PDE1B: variants seen among roughly 807,000 people sequenced by gnomAD.
PDE1B encodes the protein dual specificity calcium/calmodulin-dependent 3',5'-cyclic nucleotide phosphodiesterase 1B.
A neutral mutation model predicts 66.7 loss-of-function variants in PDE1B; 13 were observed. The ratio of observed to expected loss-of-function variants is 0.19; its 90% CI spans 0.13 to 0.31. The LOEUF (loss-of-function observed/expected upper bound fraction) is 0.31. Ranked by LOEUF, PDE1B falls within the 10% of genes least tolerant of loss-of-function variation. PDE1B has a pLI of 1.00. For missense variants in PDE1B, 485 were observed against 682.3 expected (o/e 0.71, Z 3.22); for synonymous variants, 230 against 253.9 (o/e 0.91, Z 0.90).
Position 54,570,360 on chromosome 12 carries a change from T to A in PDE1B, c.594+3T>A. 6.4e-7 allele frequency: 1 copy of A among 1,556,828 alleles called. No individual in the cohort carries two copies. Among genetic ancestry groups the A allele is most frequent in the Non-Finnish European group, 8.9e-7 (1 of 1,127,644 alleles). ...ATAACCTCATCAGCCGCTTCAAGGT[T>A]GGGCAGCATCCTACCTCTACCTCCA... On this transcript the variant is annotated splice_donor_region_variant and intron_variant, in intron 6 of 15. Transcript: ENST00000243052.
Position 54,575,702 on chromosome 12 carries a change from T to C in PDE1B, c.1267+70T>C, listed in dbSNP as rs1031286687. The C allele has an allele frequency of 1.1e-5, 12 of 1,098,810 alleles. No homozygotes were observed. The Admixed American group carries it at 2.0e-4, about 19-fold the overall frequency. 68.1% of individuals were successfully genotyped at this position (1,098,810 alleles called of 1,614,324 possible). ...AAGATGCTGCCTGGGTCAGGATTGC[T>C]CCAAGTCCTCAATCCCCCCAAACCA... On this transcript the variant is annotated intron_variant, in intron 12 of 15. Coordinates refer to ENST00000243052, the MANE Select transcript of PDE1B (RefSeq NM_000924.4). This position sits in a 1 kb window ranked among gnomAD's most constrained non-coding sequence, Gnocchi z 4.0.
chr12:54,554,555 G>A (rs1957320332), intron 2 of PDE1B, among the ~76,000 whole-genome samples: 1 of 152,172 alleles, frequency 6.6e-6, no homozygotes, highest in Non-Finnish European at 1.5e-5. Flanking sequence ...GTATCTCTGG[G>A]AAGGTAGAGG....
At position 54,549,887 on chromosome 12, in the gene PDE1B, C is replaced by A. The variant is rs756175845; in HGVS notation, c.15C>A (p.Pro5=). 8 of 1,613,822 alleles carry A rather than the reference C, an allele frequency of 5.0e-6. No homozygotes were observed. In the South Asian group the frequency reaches 8.8e-5, roughly 18 times the overall value. MELS[P]RSPPEMLEES... ...CGTGGCTGAGCATGGAGCTGTCCCC[C>A]CGCAGTCCTCCGGAGATGCTGGAGG... Residue 5 remains proline (P), a synonymous_variant, in exon 2 of 16, where the codon CCC becomes CCA. Transcript: ENST00000243052.
Position 54,577,361 on chromosome 12 carries a change from T to C in PDE1B, c.*17+16T>C. On this transcript the variant is annotated intron_variant, in intron 15 of 15. Transcript: ENST00000243052. Reference sequence around the variant, plus strand: ...GCTGGCCCAGGTGAGCCTGTTGTGGTGGAGGGTGTAGGAGAGCTGGTGTCT... The same window carrying C: ...GCTGGCCCAGGTGAGCCTGTTGTGGCGGAGGGTGTAGGAGAGCTGGTGTCT... 1 of 1,613,142 alleles carries C rather than the reference T, an allele frequency of 6.2e-7. No homozygotes were observed. Among genetic ancestry groups the C allele is most frequent in the Non-Finnish European group, 8.5e-7 (1 of 1,179,634 alleles).
chr12:54,572,681 G>T lies in PDE1B; in HGVS notation c.675G>T (p.Gln225His), dbSNP rs1348621246. The change falls in exon 7 of 16, where the codon CAG (glutamine) becomes CAT (histidine). Residue 225 changes from glutamine (Q) to histidine (H), a missense_variant. By Grantham distance (24) the Gln-to-His change is conservative. Coordinates refer to ENST00000243052, the MANE Select transcript of PDE1B (RefSeq NM_000924.4). ...AGTACAAGAATCCTTACCACAACCA[G>T]ATCCACGCAGCCGATGTTACCCAGA... ...YGKYKNPYHN[Q>H]IHAADVTQTV... is the part of the protein sequence containing the mutation. 8.7e-6 allele frequency: 14 copies of T among 1,614,020 alleles called. No homozygotes were observed. Among genetic ancestry groups the T allele is most frequent in the Non-Finnish European group, 1.1e-5 (13 of 1,179,978 alleles).
chr12:54,552,449 C>A (rs1270542151), intron 2 of PDE1B, among the ~76,000 whole-genome samples: 1 of 152,172 alleles, frequency 6.6e-6, no homozygotes, highest in African/African-American at 2.4e-5. Context: ...TATCTAGATT[C>A]TTCTACTCAA....
chr12:54,576,455 A>T (rs2121170174), intron 13 of PDE1B, 116 bp from the exon 14 acceptor site: 1 of 1,228,134 alleles, frequency 8.1e-7, no homozygotes, highest in Non-Finnish European at 1.2e-6. Context: ...GAAAAGAGGA[A>T]GATGAAGTTC....
chr12:54,550,000 C>T lies in PDE1B; in HGVS notation c.113+15C>T, dbSNP rs563103330. On this transcript the variant is annotated intron_variant, in intron 2 of 15. Coordinates refer to ENST00000243052, the MANE Select transcript of PDE1B (RefSeq NM_000924.4). The stretch of plus-strand genomic sequence containing the variant: ...CTTCGGTCTCTGTAAGTCCCCGGCC[C>T]GGGAATGGGGGGAAGGGACCTTAGG... The T allele has an allele frequency of 2.0e-5, 33 of 1,611,220 alleles. No individual in the cohort carries two copies. In the South Asian group the frequency reaches 3.5e-4, roughly 17 times the overall value.
chr12:54,562,889 A>G (rs1484198701), intron 2 of PDE1B, among the ~76,000 whole-genome samples: 1 of 152,038 alleles, frequency 6.6e-6, no homozygotes, highest in African/African-American at 2.4e-5. Flanking sequence ...TTTGGTTCAG[A>G]TTTCAACAGA....
chr12:54,558,901 G>C (rs1488977480), intron 2 of PDE1B, among the ~76,000 whole-genome samples: 1 of 152,160 alleles, frequency 6.6e-6, no homozygotes, highest in African/African-American at 2.4e-5. Context: ...GGTTCCCAAG[G>C]TGTTCTCATA....
chr12:54,560,210 T>C (rs978029673), intron 2 of PDE1B, among the ~76,000 whole-genome samples: 2 of 152,222 alleles, frequency 1.3e-5, no homozygotes, highest in African/African-American at 4.8e-5. Context: ...TCAGTGGAAC[T>C]GAGAAACAGC....
Position 54,575,442 on chromosome 12 carries a change from C to A in PDE1B, c.1186-109C>A. The A allele has an allele frequency of 1.2e-6, 1 of 832,108 alleles. No individual in the cohort carries two copies. Among genetic ancestry groups the A allele is most frequent in the Non-Finnish European group, 2.1e-6 (1 of 479,514 alleles). 51.5% of individuals were successfully genotyped at this position (832,108 alleles called of 1,614,324 possible). On this transcript the variant is annotated intron_variant, in intron 11 of 15. Coordinates refer to ENST00000243052, the MANE Select transcript of PDE1B (RefSeq NM_000924.4). This position sits in a 1 kb window ranked among gnomAD's most constrained non-coding sequence, Gnocchi z 4.0. ...ATTACTAATTTCCAGGTCAACAGTGCAGAAATTTCACACAACAACCCCCCA... is the reference window on the plus strand; with the variant it reads ...ATTACTAATTTCCAGGTCAACAGTGAAGAAATTTCACACAACAACCCCCCA...
chr12:54,554,189 C>A (rs1346416992), intron 2 of PDE1B: 2 of 152,134 alleles, frequency 1.3e-5, no homozygotes, highest in Non-Finnish European at 2.9e-5. Flanking sequence ...ATTGGTTTAA[C>A]CCTGGCTTTT....
In PDE1B at chr12:54,577,264, G is replaced by A; in HGVS notation, c.1547G>A (p.Cys516Tyr). ...NQMSIDELSP[C>Y]EEEAPPSPAE... ...ATGTCCATTGACGAGCTGTCCCCCT[G>A]TGAAGAAGAGGCCCCCCCATCCCCT... The change falls in exon 15 of 16, where the codon TGT (cysteine) becomes TAT (tyrosine). Residue 516 changes from cysteine (C) to tyrosine (Y), a missense_variant. Transcript: ENST00000243052. 1.2e-6 allele frequency: 2 copies of A among 1,613,832 alleles called. No homozygotes were observed. Among genetic ancestry groups the A allele is most frequent in the East Asian group, 2.2e-5 (1 of 44,878 alleles).
intron 2 of PDE1B, among the ~76,000 whole-genome samples, chr12:54,552,621 T>G (rs1449098279): frequency 6.6e-6 from 1 of 152,192 alleles, no homozygotes; most frequent in Non-Finnish European, 1.5e-5. Flanking sequence ...AAGAATTCTG[T>G]TTCCCACACT....
At chr12:54,561,648 G>T in intron 2 of PDE1B, 1 of 1,529,666 alleles carries the variant, frequency 6.5e-7, no homozygotes, top group Non-Finnish European at 8.8e-7. Flanking sequence ...GTAGGTGCCA[G>T]GGATGAGAAG....
chr12:54,561,389 G>A (rs1328406274), intron 2 of PDE1B: 3 of 1,104,090 alleles, frequency 2.7e-6, no homozygotes, highest in Admixed American at 3.9e-5. Flanking sequence ...AGTTCCGGTA[G>A]GCTGGGTCTC....
intron 2 of PDE1B, among the ~76,000 whole-genome samples, chr12:54,555,100 G>A (rs1334323222): frequency 6.6e-6 from 1 of 152,198 alleles, no homozygotes; most frequent in Non-Finnish European, 1.5e-5. Flanking sequence ...ATATTATGAA[G>A]GATGTGGGCC....
At chr12:54,572,492 C>T (rs538004577) in intron 6 of PDE1B, 109 bp from the exon 7 acceptor site, 1 of 1,045,314 alleles carries the variant, frequency 9.6e-7, no homozygotes, top group East Asian at 2.4e-5. Context: ...GTTCTGTGCT[C>T]TCTCCCTATG....
Sources: gnomAD v4.1 joint callset for allele counts (sites outside exome capture counted in the v4.1 genomes callset) on GRCh38, gnomAD v4.1.1 for gene constraint, Gnocchi (gnomAD v3.1) non-coding constraint, MANE v1.5 for transcripts, NCBI Gene and HGNC (gene_info 2026-07-23, HGNC 2026-07-21) for gene names.